The following KDM4C variants were observed in gnomAD, a reference collection of about 807,000 sequenced individuals.
KDM4C encodes the protein lysine-specific demethylase 4C.
KDM4C carries 81 observed loss-of-function variants against 129.3 expected under a neutral mutation model. The ratio of observed to expected loss-of-function variants is 0.63; its 90% CI spans 0.52 to 0.75. KDM4C has a LOEUF of 0.75. KDM4C is among the 30% of genes least tolerant of loss of function. KDM4C has a pLI of 0.00. For missense variants in KDM4C, 1,457 were observed against 1,304.0 expected (o/e 1.12, Z -1.81); for synonymous variants, 573 against 456.1 (o/e 1.26, Z -3.26).
At chr9:6,901,986 T>A (rs537659793) in intron 8 of KDM4C, among the ~76,000 whole-genome samples, 2 of 152,286 alleles carry the variant, frequency 1.3e-5, no homozygotes, top group African/African-American at 2.4e-5. Context: ...GGACAAACAT[T>A]TGCATTTCTG....
intron 12 of KDM4C, among the ~76,000 whole-genome samples, chr9:7,004,382 GAAAACTT>G (rs1821275321): frequency 6.6e-6 from 1 of 152,076 alleles, no homozygotes; most frequent in Non-Finnish European, 1.5e-5. Flanking sequence ...TTATAACTAT[GAAAACTT>G]AAAAAGCCTC....
intron 2 of KDM4C, among the ~76,000 whole-genome samples, chr9:6,793,505 T>C (rs1400889027): frequency 6.6e-6 from 1 of 151,716 alleles, no homozygotes; most frequent in East Asian, 1.9e-4. Flanking sequence ...TCTCCTATCC[T>C]TTTTCTTTCC....
chr9:6,900,170 T>C (rs1305789742), intron 8 of KDM4C, among the ~76,000 whole-genome samples: 1 of 152,212 alleles, frequency 6.6e-6, no homozygotes, highest in Non-Finnish European at 1.5e-5. Context: ...GCCCCCTTTT[T>C]ACAATGTGTC....
chr9:7,062,867 A>C (rs1023789830), intron 17 of KDM4C, among the ~76,000 whole-genome samples: 1 of 152,016 alleles, frequency 6.6e-6, no homozygotes, highest in African/African-American at 2.4e-5. Flanking sequence ...CTTTTTTTCC[A>C]CTTTGAGGAG....
intron 8 of KDM4C, among the ~76,000 whole-genome samples, chr9:6,910,277 C>G (rs1466426431): frequency 1.3e-5 from 2 of 151,916 alleles, no homozygotes; most frequent in Non-Finnish European, 2.9e-5. Context: ...ATTCATTAAT[C>G]TTTAAATGGC....
chr9:6,973,146 C>T (rs2131720304), intron 8 of KDM4C, among the ~76,000 whole-genome samples: 1 of 152,256 alleles, frequency 6.6e-6, no homozygotes. Context: ...ATTGAATTGT[C>T]AAACTTTTAT....
At chr9:7,107,348 A>G (rs2133185467) in intron 18 of KDM4C, among the ~76,000 whole-genome samples, 1 of 152,368 alleles carries the variant, frequency 6.6e-6, no homozygotes, top group East Asian at 1.9e-4. Context: ...CTTCAAACAA[A>G]TAGTCAGCTA....
intron 1 of KDM4C, among the ~76,000 whole-genome samples, chr9:6,729,204 C>CAAAAAAAAAAAAAAAAAAAAA (rs1186478804): frequency 3.1e-5 from 1 of 32,110 alleles, no homozygotes. Flanking sequence ...GCTCCGTCTC[C>CAAAAAAAAAAAAAAAAAAAAA]AAAAAAAAAA....
At chr9:6,760,462 T>TATAC (rs1207725627) in intron 1 of KDM4C, among the ~76,000 whole-genome samples, 1 of 150,356 alleles carries the variant, frequency 6.7e-6, no homozygotes, top group African/African-American at 2.4e-5. Context: ...TATATATATA[T>TATAC]ATAATGTAAT....
At chr9:7,047,789 C>G (rs16925220) in intron 16 of KDM4C, among the ~76,000 whole-genome samples, 23,859 of 151,870 alleles carry the variant, frequency 0.16, 2,526 homozygotes, top group South Asian at 0.39. Context: ...GCAGTAATAA[C>G]AAGTTGGGAT....
chr9:7,148,945 C>T (rs535257334), intron 19 of KDM4C, among the ~76,000 whole-genome samples: 131 of 152,326 alleles, frequency 8.6e-4, no homozygotes, highest in African/African-American at 3.0e-3. Flanking sequence ...AGACTTCACC[C>T]GGAATTGGCA....
intron 17 of KDM4C, among the ~76,000 whole-genome samples, chr9:7,095,501 C>G (rs1007941160): frequency 2.7e-5 from 4 of 150,624 alleles, no homozygotes; most frequent in Non-Finnish European, 5.9e-5. Context: ...ACCTGATATT[C>G]ATAATAAACA....
chr9:7,004,737 G>A (rs1336074811), intron 12 of KDM4C, among the ~76,000 whole-genome samples: 1 of 152,134 alleles, frequency 6.6e-6, no homozygotes, highest in Non-Finnish European at 1.5e-5. Flanking sequence ...ACCTTTTGAT[G>A]GAAATACTTA....
At chr9:7,049,656 A>G (rs528915820) in intron 17 of KDM4C, among the ~76,000 whole-genome samples, 2 of 152,208 alleles carry the variant, frequency 1.3e-5, no homozygotes, top group South Asian at 4.1e-4. Context: ...ATTTTTACGA[A>G]GATATTTTCT....
At chr9:7,035,580 T>C (rs1468781898) in intron 15 of KDM4C, among the ~76,000 whole-genome samples, 1 of 152,102 alleles carries the variant, frequency 6.6e-6, no homozygotes, top group Non-Finnish European at 1.5e-5. Flanking sequence ...TCCTGAAGTG[T>C]TTCCCTTATG....
At chr9:6,835,015 C>T (rs574078915) in intron 4 of KDM4C, 3 of 949,228 alleles carry the variant, frequency 3.2e-6, no homozygotes, top group Non-Finnish European at 5.2e-6. Context: ...ACCTGACTAC[C>T]TCATGAAGAT....
chr9:7,053,459 T>C (rs904729403), intron 17 of KDM4C, among the ~76,000 whole-genome samples: 1 of 152,222 alleles, frequency 6.6e-6, no homozygotes, highest in African/African-American at 2.4e-5. Flanking sequence ...TCTGTGGATT[T>C]ATTGATCCTA....
At chr9:6,779,860 G>T (rs939690185) in intron 1 of KDM4C, among the ~76,000 whole-genome samples, 1 of 152,172 alleles carries the variant, frequency 6.6e-6, no homozygotes, top group Non-Finnish European at 1.5e-5. Flanking sequence ...TCCTATTTGC[G>T]TTTTGATAAT....
rs778330756 is a variant in KDM4C at position 6,814,658 on chromosome 9, C to T, written c.348C>T (p.Tyr116=). 2.4e-5 allele frequency: 38 copies of T among 1,604,660 alleles called. No homozygotes were observed. Among genetic ancestry groups the T allele is most frequent in the East Asian group, 2.2e-4 (10 of 44,446 alleles). The change falls in exon 4 of 22, where the codon TAC becomes TAT. Residue 116 remains tyrosine, a synonymous_variant. Coordinates refer to ENST00000381309, the MANE Select transcript of KDM4C (RefSeq NM_015061.6). ...GKYCTPRYLD[Y]EDLERKYWKN... Reference sequence around the variant, plus strand: ...ATTGTACTCCAAGATACTTGGATTACGAAGATTTGGAGCGCAAGTACTGGA... The same window carrying T: ...ATTGTACTCCAAGATACTTGGATTATGAAGATTTGGAGCGCAAGTACTGGA...
Sources: gnomAD v4.1 joint callset for allele counts (sites outside exome capture counted in the v4.1 genomes callset) on GRCh38, gnomAD v4.1.1 for gene constraint, MANE v1.5 for transcripts, NCBI Gene and HGNC (gene_info 2026-07-23, HGNC 2026-07-21) for gene names.